Variants in OXCT1 observed in about 807,000 individuals in gnomAD.
OXCT1 encodes 3-oxoacid CoA-transferase 1.
In OXCT1, 27 loss-of-function variants were observed where a neutral mutation model predicts 69.6. That is an observed-to-expected ratio of 0.39 (90% confidence interval 0.29 to 0.54). The LOEUF is 0.54. Among genes scored for constraint, OXCT1 ranks in the 20% least tolerant of loss-of-function variants. OXCT1 has a pLI of 0.72. For missense variants in OXCT1, 437 were observed against 650.2 expected (o/e 0.67, Z 3.57); for synonymous variants, 202 against 217.8 (o/e 0.93, Z 0.64).
At chr5:41,813,184 A>T (rs952205218) in intron 7 of OXCT1, among the ~76,000 whole-genome samples, 2 of 152,066 alleles carry the variant, frequency 1.3e-5, no homozygotes, top group African/African-American at 2.4e-5. Context: ...CATAGCAGGA[A>T]AATGTGACTT....
At chr5:41,859,285 A>G (rs559955722) in intron 3 of OXCT1, among the ~76,000 whole-genome samples, 2 of 152,268 alleles carry the variant, frequency 1.3e-5, no homozygotes, top group African/African-American at 4.8e-5. Flanking sequence ...AGAGGTCATA[A>G]AGTGCTTCCT....
intron 7 of OXCT1, among the ~76,000 whole-genome samples, chr5:41,829,008 T>C (rs965349436): frequency 2.6e-5 from 4 of 152,122 alleles, no homozygotes; most frequent in Non-Finnish European, 5.9e-5. Context: ...TGTGAACCAA[T>C]ATTACAGAGA....
intron 7 of OXCT1, among the ~76,000 whole-genome samples, chr5:41,810,882 A>G (rs1746947548): frequency 1.3e-5 from 2 of 151,974 alleles, no homozygotes; most frequent in Admixed American, 1.3e-4. Context: ...ACACACCTGC[A>G]AAACTCTGTG....
intron 1 of OXCT1, among the ~76,000 whole-genome samples, chr5:41,868,720 C>T (rs1473549268): frequency 6.7e-6 from 1 of 148,598 alleles, no homozygotes; most frequent in Non-Finnish European, 1.5e-5. Context: ...GAGACTCCGT[C>T]TCAAAAAAAA....
intron 14 of OXCT1, among the ~76,000 whole-genome samples, chr5:41,756,821 G>A (rs1744101181): frequency 6.6e-6 from 1 of 152,086 alleles, no homozygotes; most frequent in African/African-American, 2.4e-5. Context: ...GAGCCATGTG[G>A]ATAGCTAGGA....
chr5:41,862,545 AATT>A, intron 2 of OXCT1, 94 bp downstream of exon 2: 1 of 712,222 alleles, frequency 1.4e-6, no homozygotes, highest in Non-Finnish European at 2.6e-6. Flanking sequence ...ATAATAAAAT[AATT>A]ATCATTTTTA....
chr5:41,743,446 G>C (rs1743294637), intron 15 of OXCT1, among the ~76,000 whole-genome samples: 2 of 152,062 alleles, frequency 1.3e-5, no homozygotes, highest in Non-Finnish European at 2.9e-5. Context: ...TCACTCTGAT[G>C]GTAGTTTCTT....
chr5:41,848,203 C>A (rs1357136762), intron 5 of OXCT1, among the ~76,000 whole-genome samples: 2 of 151,914 alleles, frequency 1.3e-5, no homozygotes, highest in African/African-American at 4.8e-5. Context: ...GAATAAAATA[C>A]CTAGGAATCC....
At chr5:41,837,041 G>T (rs1436946733) in intron 7 of OXCT1, among the ~76,000 whole-genome samples, 1 of 152,056 alleles carries the variant, frequency 6.6e-6, no homozygotes, top group Non-Finnish European at 1.5e-5. Flanking sequence ...AAACAAAAAA[G>T]CAAGATGTAT....
intron 13 of OXCT1, among the ~76,000 whole-genome samples, chr5:41,777,261 C>A (rs917433765): frequency 1.3e-5 from 2 of 152,086 alleles, no homozygotes; most frequent in African/African-American, 4.8e-5. Context: ...ACTAAAAATA[C>A]AATTATTAGC....
intron 13 of OXCT1, among the ~76,000 whole-genome samples, chr5:41,766,502 AAACT>A (rs1040744914): frequency 3.3e-5 from 5 of 152,136 alleles, no homozygotes; most frequent in African/African-American, 9.6e-5. Flanking sequence ...AGTAAGAGAA[AAACT>A]ATTATAAATT....
intron 11 of OXCT1, among the ~76,000 whole-genome samples, chr5:41,797,332 G>T (rs1340406407): frequency 6.6e-6 from 1 of 152,120 alleles, no homozygotes; most frequent in Non-Finnish European, 1.5e-5. Context: ...CATTATCAAG[G>T]CCTCTGCTAA....
chr5:41,766,169 G>A (rs1744588324), intron 13 of OXCT1, among the ~76,000 whole-genome samples: 1 of 152,068 alleles, frequency 6.6e-6, no homozygotes, highest in South Asian at 2.1e-4. Flanking sequence ...GATGATTGCT[G>A]GATGCTCATT....
rs774297248 is a variant in OXCT1, at chr5:41,870,331, C to G, written c.28G>C (p.Gly10Arg). The change falls in exon 1 of 17, where the codon GGG (glycine) becomes CGG (arginine). Residue 10 changes from glycine to arginine, a missense_variant. By Grantham distance (125) the Gly-to-Arg change is moderately radical. Around this residue, in one of 4 missense-constraint regions of OXCT1, gnomAD observed 79 missense variants for 61.5 expected, o/e 1.28. Coordinates refer to ENST00000196371, the MANE Select transcript of OXCT1 (RefSeq NM_000436.4). This position sits in a 1 kb window ranked among gnomAD's most constrained non-coding sequence, Gnocchi z 4.2. MAALKLLSSGLRLCASARGS... is the reference protein window; with the variant it reads MAALKLLSSRLRLCASARGS... ...CGGGCAGAGGCGCAGAGCCGAAGCCCGGAGGAGAGGAGTTTGAGAGCCGCC... is the reference window on the plus strand; with the variant it reads ...CGGGCAGAGGCGCAGAGCCGAAGCCGGGAGGAGAGGAGTTTGAGAGCCGCC... 1.2e-6 allele frequency: 2 copies of G among 1,613,670 alleles called. No homozygotes were observed. Among genetic ancestry groups the G allele is most frequent in the Admixed American group, 1.7e-5 (1 of 60,006 alleles).
At chr5:41,807,537 G>A in intron 7 of OXCT1, 99 bp from the exon 8 acceptor site, 1 of 720,370 alleles carries the variant, frequency 1.4e-6, no homozygotes, top group South Asian at 1.5e-5. Flanking sequence ...AACTTAGGCT[G>A]CAAACATATG....
At chr5:41,764,667 C>T (rs1407491022) in intron 13 of OXCT1, among the ~76,000 whole-genome samples, 1 of 152,162 alleles carries the variant, frequency 6.6e-6, no homozygotes, top group African/African-American at 2.4e-5. Context: ...CAACTGTTCT[C>T]TTTCCCTGCC....
Position 41,730,762 on chromosome 5 carries a change from G to A in OXCT1, c.*967C>T. On this transcript the variant is annotated 3_prime_UTR_variant, in exon 17 of 17. Transcript: ENST00000196371. ...TTATTTTCCCTAGTTGGATAAGGCT[G>A]AATTAAAGGCACTTCGTTAAAGGAA... 6.6e-6 allele frequency: 1 copy of A among 152,170 alleles called. No individual in the cohort carries two copies. Among genetic ancestry groups the A allele is most frequent in the Non-Finnish European group, 1.5e-5 (1 of 68,040 alleles). 9.4% of individuals were successfully genotyped at this position (152,170 alleles called of 1,614,324 possible). A position where few individuals can be genotyped will look rare whatever the true frequency, so the allele number is the denominator to read the frequency against.
chr5:41,768,199 G>C (rs569578216), intron 13 of OXCT1, among the ~76,000 whole-genome samples: 2 of 152,200 alleles, frequency 1.3e-5, no homozygotes, highest in East Asian at 3.9e-4. Context: ...GTTACAATTG[G>C]TCACATGGAA....
chr5:41,838,089 A>G (rs1748456117), intron 7 of OXCT1, among the ~76,000 whole-genome samples: 1 of 152,192 alleles, frequency 6.6e-6, no homozygotes. Context: ...ACCAGCTTAT[A>G]ATCATCCATC....
Sources: gnomAD v4.1 joint callset for allele counts (sites outside exome capture counted in the v4.1 genomes callset) on GRCh38, gnomAD v4.1.1 for gene constraint, gnomAD v4.1.1 regional missense constraint, Gnocchi (gnomAD v3.1) non-coding constraint, MANE v1.5 for transcripts, NCBI Gene and HGNC (gene_info 2026-07-23, HGNC 2026-07-21) for gene names.